DOT1L: variants seen among roughly 807,000 people sequenced by gnomAD.
DOT1L encodes histone-lysine N-methyltransferase, H3 lysine-79 specific.
In DOT1L, 33 loss-of-function variants were observed where a neutral mutation model predicts 153.3. The ratio of observed to expected loss-of-function variants is 0.22; its 90% CI spans 0.16 to 0.29. The LOEUF (loss-of-function observed/expected upper bound fraction) is 0.29, where lower values mean the gene tolerates loss of function less well. DOT1L is among the 10% of genes least tolerant of loss of function. The pLI is 1.00. For synonymous variants in DOT1L, 1,135 were observed against 965.1 expected, an observed-to-expected ratio of 1.18 and a Z score of -3.26; for missense variants, 1,847 against 2,119.9, an observed-to-expected ratio of 0.87 and a Z score of 2.53.
intron 1 of DOT1L, among the ~76,000 whole-genome samples, chr19:2,170,431 C>T (rs935157771): frequency 2.0e-5 from 3 of 152,120 alleles, no homozygotes; most frequent in African/African-American, 7.2e-5. Context: ...AGGAAGGACC[C>T]AACACGGTTC....
intron 1 of DOT1L, among the ~76,000 whole-genome samples, chr19:2,170,466 CAG>C (rs1215624023): frequency 6.6e-6 from 1 of 152,194 alleles, no homozygotes; most frequent in African/African-American, 2.4e-5. Context: ...GCAGTCAACA[CAG>C]AGGAGTTGCG....
intron 1 of DOT1L, among the ~76,000 whole-genome samples, chr19:2,171,941 A>G (rs772158308): frequency 6.6e-6 from 1 of 152,190 alleles, no homozygotes; most frequent in African/African-American, 2.4e-5. Flanking sequence ...CACAGAAGTG[A>G]TTGCCCGGCT....
In DOT1L at chr19:2,222,428, G is replaced by A. The variant is rs1463511212; in HGVS notation, c.3259G>A (p.Gly1087Ser). ...CCACGGGCAGGACAGTCGCAGGCGCGGCCGGCGGAAGCGAGCATCTGCGGG... is the reference window on the plus strand; with the variant it reads ...CCACGGGCAGGACAGTCGCAGGCGCAGCCGGCGGAAGCGAGCATCTGCGGG... ...PSHGQDSRRR[G>S]RRKRASAGTP... Residue 1087 changes from glycine to serine, a missense_variant, in exon 24 of 28, where the codon GGC becomes AGC. Physicochemically the swap from Gly to Ser is moderately conservative, Grantham distance 56. This residue lies in a region of DOT1L where 934 missense variants were observed against 825.3 expected (regional missense o/e 1.13). Coordinates refer to ENST00000398665, the MANE Select transcript of DOT1L (RefSeq NM_032482.3). This position sits in a 1 kb window ranked among gnomAD's most constrained non-coding sequence, Gnocchi z 6.5. 1.6e-5 allele frequency: 26 copies of A among 1,609,666 alleles called. No homozygotes were observed. Among genetic ancestry groups the A allele is most frequent in the African/African-American group, 2.7e-5 (2 of 74,894 alleles).
intron 8 of DOT1L, 104 bp from the exon 9 acceptor site, chr19:2,202,596 T>G (rs1599579866): frequency 8.7e-7 from 1 of 1,153,800 alleles, no homozygotes; most frequent in South Asian, 1.3e-5. Flanking sequence ...GGCGGGCGGG[T>G]GTGGGCAGGG....
chr19:2,211,884 G>C (rs947897277), intron 16 of DOT1L, 42 bp downstream of exon 16: 23 of 1,523,976 alleles, frequency 1.5e-5, no homozygotes, highest in Middle Eastern at 3.4e-4. Context: ...CCCGCACAGA[G>C]GCAGTTCGTT....
chr19:2,176,282 A>G (rs1355548336), intron 1 of DOT1L, among the ~76,000 whole-genome samples: 2 of 152,164 alleles, frequency 1.3e-5, no homozygotes, highest in Non-Finnish European at 1.5e-5. Context: ...AGTGCGAGCA[A>G]GAGGGGACAG....
At chr19:2,184,408 A>C (rs8111101) in intron 2 of DOT1L, among the ~76,000 whole-genome samples, 2,276 of 151,936 alleles carry the variant, frequency 0.015, 35 homozygotes, top group Middle Eastern at 0.031. Context: ...GGGCACCCGG[A>C]CCTGAGGTCA....
chr19:2,174,475 T>C lies in DOT1L; in HGVS notation c.82-6238T>C, dbSNP rs149355984. ...GCCGAGGCGGGCAGATCACCTGAGGTTGGGAGTTTGAAACCAGCCTGACCA... is the reference window on the plus strand; with the variant it reads ...GCCGAGGCGGGCAGATCACCTGAGGCTGGGAGTTTGAAACCAGCCTGACCA... On this transcript the variant is annotated intron_variant, in intron 1 of 27. Transcript: ENST00000398665. 8.7e-4 allele frequency among the ~76,000 whole-genome samples: 132 copies of C among 152,144 alleles called. 1 individual carries two copies. The East Asian group carries it at 0.024, about 27-fold the overall frequency.
intron 27 of DOT1L, chr19:2,227,947 C>T (rs1475823003): frequency 1.7e-6 from 2 of 1,189,984 alleles, no homozygotes; most frequent in African/African-American, 1.7e-5. Context: ...CCCCCGCCTG[C>T]GCACCTGGGC....
At chr19:2,206,659 T>C (rs1402648633) in intron 9 of DOT1L, 70 bp from the exon 10 acceptor site, 1 of 1,495,762 alleles carries the variant, frequency 6.7e-7, no homozygotes, top group Non-Finnish European at 9.3e-7. Flanking sequence ...TCCTTCTCTG[T>C]CACCTTGAGT....
At position 2,220,850 on chromosome 19, in the gene DOT1L, G is replaced by T; in HGVS notation, c.2806+628G>T. 3.3e-6 allele frequency: 1 copy of T among 303,192 alleles called. No homozygotes were observed. Among genetic ancestry groups the T allele is most frequent in the Non-Finnish European group, 6.5e-6 (1 of 153,054 alleles). The allele number at this position is 303,192 out of a possible 1,614,324, so 18.8% of individuals were successfully genotyped here. ...TTTGCTGGCCCCAGGTTGAGATGCG[G>T]TATGATGCGGCAGCTACTTTTTTAG... On this transcript the variant is annotated intron_variant, in intron 23 of 27. Transcript: ENST00000398665. This position sits in a 1 kb window ranked among gnomAD's most constrained non-coding sequence, Gnocchi z 4.5.
chr19:2,228,229 T>TGGCCCA (rs1568376058), intron 27 of DOT1L: 10 of 1,363,040 alleles, frequency 7.3e-6, no homozygotes, highest in Non-Finnish European at 9.8e-6. Context: ...CGGCTGGCCC[T>TGGCCCA]GGCCCAGGCC....
At chr19:2,216,838 G>C (rs912657438) in intron 20 of DOT1L, 73 bp downstream of exon 20, 1 of 1,554,514 alleles carries the variant, frequency 6.4e-7, no homozygotes, top group Non-Finnish European at 8.7e-7. Flanking sequence ...CAGGCTGTCG[G>C]GTTCTCAGCA....
At position 2,191,161 on chromosome 19, in the gene DOT1L, G is replaced by A; in HGVS notation, c.414G>A (p.Glu138=). The part of the protein sequence containing the change: ...YEPFSPEVYG[E]TSFDLVAQMI... ...CCTTCTCCCCCGAGGTGTACGGGGA[G>A]ACCTCCTTCGACCTGGTGGCCCAGA... is the stretch of plus-strand genomic sequence containing the variant. Residue 138 remains glutamate, a synonymous_variant, in exon 5 of 28, where the codon GAG becomes GAA. Coordinates refer to ENST00000398665, the MANE Select transcript of DOT1L (RefSeq NM_032482.3). The surrounding 1 kb of genome is among the most constrained non-coding windows in gnomAD (Gnocchi z 6.8). 1.2e-6 allele frequency: 2 copies of A among 1,613,706 alleles called. No individual in the cohort carries two copies. Among genetic ancestry groups the A allele is most frequent in the South Asian group, 2.2e-5 (2 of 91,060 alleles).
At chr19:2,174,900 G>A (rs973108495) in intron 1 of DOT1L, among the ~76,000 whole-genome samples, 2 of 151,908 alleles carry the variant, frequency 1.3e-5, no homozygotes, top group Admixed American at 6.6e-5. Flanking sequence ...ACCTCCCAGA[G>A]TGCTGGGATT....
chr19:2,185,831 A>G, intron 2 of DOT1L, 24 bp from the exon 3 acceptor site: 1 of 1,612,948 alleles, frequency 6.2e-7, no homozygotes, highest in Non-Finnish European at 8.5e-7. Flanking sequence ...ACCCTTCCTG[A>G]TCGTTTCTGC....
At chr19:2,198,489 C>T (rs2023110717) in intron 7 of DOT1L, among the ~76,000 whole-genome samples, 1 of 152,194 alleles carries the variant, frequency 6.6e-6, no homozygotes, top group Admixed American at 6.5e-5. Context: ...GTCCTCCGGG[C>T]CCGGGGGGGT....
chr19:2,184,665 C>T (rs1599551141), intron 2 of DOT1L, among the ~76,000 whole-genome samples: 1 of 152,300 alleles, frequency 6.6e-6, no homozygotes, highest in Non-Finnish European at 1.5e-5. Flanking sequence ...AAGCGGAAGG[C>T]GTGTCCTTCC....
At position 2,227,037 on chromosome 19, in the gene DOT1L, G is replaced by A. The variant is rs2144939176; in HGVS notation, c.4516G>A (p.Gly1506Ser). 1 of 1,581,666 alleles carries A rather than the reference G, an allele frequency of 6.3e-7. No individual in the cohort carries two copies. Among genetic ancestry groups the A allele is most frequent in the Non-Finnish European group, 8.5e-7 (1 of 1,170,286 alleles). ...GTTCAGCTCTGTGCCGGCCGCCGCAGGCCTGGTGCACGTGTCGTCCGCTGC... is the reference window on the plus strand; with the variant it reads ...GTTCAGCTCTGTGCCGGCCGCCGCAAGCCTGGTGCACGTGTCGTCCGCTGC... ...SLFSSVPAAAGLVHVSSAATR... is the reference protein window; with the variant it reads ...SLFSSVPAAASLVHVSSAATR... The change falls in exon 27 of 28, where the codon GGC (glycine) becomes AGC (serine). Residue 1506 changes from glycine (G) to serine (S), a missense_variant. This residue lies in a region of DOT1L where 934 missense variants were observed against 825.3 expected (regional missense o/e 1.13). Coordinates refer to ENST00000398665, the MANE Select transcript of DOT1L (RefSeq NM_032482.3).
Sources: allele counts gnomAD v4.1 joint callset (sites outside exome capture counted in the v4.1 genomes callset), GRCh38; gene constraint gnomAD v4.1.1; regional missense constraint gnomAD v4.1.1; non-coding constraint Gnocchi (gnomAD v3.1); transcripts MANE v1.5; gene names NCBI Gene and HGNC (gene_info 2026-07-23, HGNC 2026-07-21).